Variants in STK32A observed in about 807,000 individuals in gnomAD.
The protein encoded by STK32A is serine/threonine-protein kinase 32A.
STK32A carries 41 observed loss-of-function variants against 53.2 expected under a neutral mutation model. That is an observed-to-expected ratio of 0.77 (90% confidence interval 0.60 to 1.00). The LOEUF (loss-of-function observed/expected upper bound fraction) is 1.00. Ranked by LOEUF, STK32A falls within the 50% of genes least tolerant of loss-of-function variation. STK32A has a pLI of 0.00. For missense variants in STK32A, 458 were observed against 485.8 expected, an observed-to-expected ratio of 0.94 and a Z score of 0.54; for synonymous variants, 166 against 162.8, an observed-to-expected ratio of 1.02 and a Z score of -0.15.
chr5:147,359,705 A>G (rs1756407783), intron 7 of STK32A, among the ~76,000 whole-genome samples: 1 of 152,158 alleles, frequency 6.6e-6, no homozygotes, highest in South Asian at 2.1e-4. Context: ...GTGTGGGGTC[A>G]GGGCCATTAC....
chr5:147,353,845 T>G (rs1291024488), intron 7 of STK32A, among the ~76,000 whole-genome samples: 1 of 152,150 alleles, frequency 6.6e-6, no homozygotes, highest in Non-Finnish European at 1.5e-5. Context: ...GGTGATGTGG[T>G]GATGTTGCTG....
the STK32A span, chr5:147,395,563 C>T: frequency 6.2e-7 from 1 of 1,611,462 alleles, no homozygotes; most frequent in Non-Finnish European, 8.5e-7. Flanking sequence ...ACTCACCTGA[C>T]AGGCTAAATC....
intron 4 of STK32A, among the ~76,000 whole-genome samples, chr5:147,298,452 T>G (rs996587433): frequency 1.3e-5 from 2 of 152,250 alleles, no homozygotes; most frequent in Admixed American, 1.3e-4. Context: ...TACCACATTT[T>G]GGCCATTGTC....
intron 6 of STK32A, among the ~76,000 whole-genome samples, chr5:147,349,567 C>T (rs1755857468): frequency 6.6e-6 from 1 of 152,082 alleles, no homozygotes; most frequent in Non-Finnish European, 1.5e-5. Flanking sequence ...ATGCAGGGAC[C>T]CTAGAGCACC....
In STK32A at chr5:147,331,271, T is replaced by C. The variant is rs182588836; in HGVS notation, c.434+7200T>C. Among the ~76,000 whole-genome samples, 6 of 152,296 alleles carry C rather than the reference T, an allele frequency of 3.9e-5. No homozygotes were observed. The East Asian group carries it at 1.2e-3, about 29-fold the overall frequency. On this transcript the variant is annotated intron_variant, in intron 5 of 12. Coordinates refer to ENST00000397936, the MANE Select transcript of STK32A (RefSeq NM_001112724.2). ...ATGACTTAATAGGAGCTATCACTTA[T>C]TGTTTACACCAAGAACTGCGTACTG...
rs115044476 is a variant in STK32A, at chr5:147,278,274, C to G, written c.108+95C>G. On this transcript the variant is annotated intron_variant, in intron 3 of 12. Coordinates refer to ENST00000397936, the MANE Select transcript of STK32A (RefSeq NM_001112724.2). ...GTTCACATTATTGAGTTGCTGGGAC[C>G]GCAAGGAAAGATAATTAAGTGAAAA... 3.0e-6 allele frequency: 3 copies of G among 1,008,230 alleles called. No homozygotes were observed. The South Asian group carries it at 4.9e-5, about 16-fold the overall frequency. 62.5% of individuals were successfully genotyped at this position (1,008,230 alleles called of 1,614,324 possible).
At chr5:147,343,354 G>T in intron 6 of STK32A, 1 of 477,200 alleles carries the variant, frequency 2.1e-6, no homozygotes, top group Non-Finnish European at 3.9e-6. Context: ...AATATAACAC[G>T]CAATCACCTA....
In STK32A at chr5:147,375,174, C is replaced by A. The variant is rs1401829025; in HGVS notation, c.988C>A (p.Leu330Met). The part of the protein sequence containing the change: ...SKPLHKKKKR[L>M]AKKEKDMRKC... ...ACCTCTACATAAGAAAAAAAAGCGT[C>A]TGGCAAAGAAGGAGAAGGATATGAG... Residue 330 changes from leucine to methionine, a missense_variant, in exon 11 of 13, where the codon CTG becomes ATG. By Grantham distance (15) the Leu-to-Met change is conservative. Coordinates refer to ENST00000397936, the MANE Select transcript of STK32A (RefSeq NM_001112724.2). 1.9e-6 allele frequency: 3 copies of A among 1,610,556 alleles called. No individual in the cohort carries two copies. Among genetic ancestry groups the A allele is most frequent in the Non-Finnish European group, 2.5e-6 (3 of 1,178,508 alleles).
chr5:147,357,994 A>G (rs1166088883), intron 7 of STK32A, among the ~76,000 whole-genome samples: 1 of 152,068 alleles, frequency 6.6e-6, no homozygotes, highest in Non-Finnish European at 1.5e-5. Context: ...CAAAAATATT[A>G]CTTCCACAAT....
At chr5:147,274,065 T>C (rs1755153663) in intron 2 of STK32A, among the ~76,000 whole-genome samples, 1 of 152,238 alleles carries the variant, frequency 6.6e-6, no homozygotes, top group Non-Finnish European at 1.5e-5. Context: ...TACTTTTAGA[T>C]ATTTACTTTT....
At chr5:147,383,828 C>A in intron 12 of STK32A, 62 bp from the exon 13 acceptor site, 2 of 1,320,248 alleles carry the variant, frequency 1.5e-6, no homozygotes, top group Non-Finnish European at 2.1e-6. Flanking sequence ...ATTTCAAAAG[C>A]TTAAACCTTT....
rs146136464 is a variant in STK32A at position 147,384,423 on chromosome 5, C to G, written c.*440C>G. 2.6e-6 allele frequency: 4 copies of G among 1,533,924 alleles called. No homozygotes were observed. The African/African-American group carries it at 5.5e-5, about 21-fold the overall frequency. ...GGACTCAGTGAGACTTTTCAGACCT[C>G]GAAAGTTTCATAAAGTGGTCAGAAT... On this transcript the variant is annotated 3_prime_UTR_variant, in exon 13 of 13. Transcript: ENST00000397936.
At chr5:147,255,950 G>A (rs1490780610) in intron 2 of STK32A, among the ~76,000 whole-genome samples, 2 of 152,160 alleles carry the variant, frequency 1.3e-5, no homozygotes, top group Non-Finnish European at 2.9e-5. Context: ...AGACCCATAA[G>A]GGGCTTCTCT....
At chr5:147,282,222 A>C (rs72831333) in intron 4 of STK32A, among the ~76,000 whole-genome samples, 6,992 of 152,186 alleles carry the variant, frequency 0.046, 202 homozygotes, top group Middle Eastern at 0.11. Context: ...AAACCAAAAA[A>C]ATCTGCAGGA....
chr5:147,339,650 C>G (rs1457306655), intron 5 of STK32A, among the ~76,000 whole-genome samples: 1 of 152,232 alleles, frequency 6.6e-6, no homozygotes, highest in Non-Finnish European at 1.5e-5. Flanking sequence ...CCCTGGAAAG[C>G]CACAGAGGTG....
chr5:147,385,471 C>T lies in STK32A; in HGVS notation c.*1488C>T, dbSNP rs1757613127. On this transcript the variant is annotated 3_prime_UTR_variant, in exon 13 of 13. Coordinates refer to ENST00000397936, the MANE Select transcript of STK32A (RefSeq NM_001112724.2). ...TACTCTTAGAACAGTGGAATGCCCA[C>T]ACATCCAAGACAGGCAAGTTCATGG... is the stretch of plus-strand genomic sequence containing the variant. 1 of 152,154 alleles carries T rather than the reference C, an allele frequency of 6.6e-6. No homozygotes were observed. Among genetic ancestry groups the T allele is most frequent in the South Asian group, 2.1e-4 (1 of 4,826 alleles). 9.4% of individuals were successfully genotyped at this position (152,154 alleles called of 1,614,324 possible). A position where few individuals can be genotyped will look rare whatever the true frequency, so the allele number is the denominator to read the frequency against.
intron 7 of STK32A, among the ~76,000 whole-genome samples, chr5:147,351,833 G>A (rs1210194484): frequency 2.0e-5 from 3 of 152,172 alleles, no homozygotes; most frequent in South Asian, 4.1e-4. Flanking sequence ...GCGACAAAGC[G>A]AGATTTCGTC....
intron 4 of STK32A, among the ~76,000 whole-genome samples, chr5:147,302,993 GA>G (rs1753213497): frequency 1.3e-5 from 2 of 152,062 alleles, no homozygotes; most frequent in South Asian, 4.1e-4. Flanking sequence ...AGATGCAATG[GA>G]GGTCAAATTC....
At chr5:147,259,937 G>A (rs1274820437) in intron 2 of STK32A, among the ~76,000 whole-genome samples, 1 of 101,928 alleles carries the variant, frequency 9.8e-6, no homozygotes, top group African/African-American at 4.7e-5. Flanking sequence ...ACTCCTGGCT[G>A]TCTCTCTCTC....
Sources: allele counts gnomAD v4.1 joint callset (sites outside exome capture counted in the v4.1 genomes callset), GRCh38; gene constraint gnomAD v4.1.1; transcripts MANE v1.5; gene names NCBI Gene and HGNC (gene_info 2026-07-23, HGNC 2026-07-21).